The following DSCAML1 variants were observed in gnomAD, a reference collection of about 807,000 sequenced individuals.
DSCAML1 encodes the protein DS cell adhesion molecule like 1.
In DSCAML1, 38 loss-of-function variants were observed where a neutral mutation model predicts 200.5. The ratio of observed to expected loss-of-function variants is 0.19; its 90% CI spans 0.15 to 0.25. The LOEUF (loss-of-function observed/expected upper bound fraction) is 0.25, where lower values mean the gene tolerates loss of function less well. Ranked by LOEUF, DSCAML1 falls within the 10% of genes least tolerant of loss-of-function variation. The pLI, the probability that DSCAML1 is intolerant of heterozygous loss-of-function variation, is 1.00. For synonymous variants in DSCAML1, 1,215 were observed against 1,165.0 expected (o/e 1.04, Z -0.87); for missense variants, 2,223 against 2,858.8 (o/e 0.78, Z 5.07).
At chr11:117,568,527 C>T (rs1435393219) in intron 3 of DSCAML1, among the ~76,000 whole-genome samples, 25 of 152,130 alleles carry the variant, frequency 1.6e-4, no homozygotes, top group Non-Finnish European at 5.9e-5. Flanking sequence ...TCAGCAAAGT[C>T]TCAGGATACA....
Position 117,516,332 on chromosome 11 carries a change from C to T in DSCAML1, c.1783+135G>A, listed in dbSNP as rs928628574. ...GCCCTGCTCCCTTTTTTCTGAATGC[C>T]AAGCTGGGGCCTCTCTTGCTCAGCC... On this transcript the variant is annotated intron_variant, in intron 8 of 32. Coordinates refer to ENST00000651296, the MANE Select transcript of DSCAML1 (RefSeq NM_020693.4). The surrounding 1 kb of genome is among the most constrained non-coding windows in gnomAD (Gnocchi z 5.7). 8.6e-7 allele frequency: 1 copy of T among 1,166,884 alleles called. No homozygotes were observed. Among genetic ancestry groups the T allele is most frequent in the South Asian group, 1.6e-5 (1 of 63,226 alleles). The allele number at this position is 1,166,884 out of a possible 1,614,324, so 72.3% of individuals were successfully genotyped here.
At chr11:117,565,803 C>T (rs1020706498) in intron 3 of DSCAML1, among the ~76,000 whole-genome samples, 7 of 152,236 alleles carry the variant, frequency 4.6e-5, no homozygotes, top group African/African-American at 1.7e-4. Context: ...TGGCCAGGCT[C>T]ACTCAGAGCT....
At chr11:117,537,385 T>C (rs2050190112) in intron 3 of DSCAML1, among the ~76,000 whole-genome samples, 1 of 152,132 alleles carries the variant, frequency 6.6e-6, no homozygotes. Flanking sequence ...GCTGGGGTAC[T>C]GGGGAAGGCT....
At chr11:117,777,169 C>G (rs1471363329) in intron 2 of DSCAML1, among the ~76,000 whole-genome samples, 1 of 152,208 alleles carries the variant, frequency 6.6e-6, no homozygotes, top group Non-Finnish European at 1.5e-5. Context: ...GCAGCCTTTT[C>G]TCCCTCAAAA....
intron 3 of DSCAML1, among the ~76,000 whole-genome samples, chr11:117,659,852 G>A (rs1301410928): frequency 1.3e-5 from 2 of 151,922 alleles, no homozygotes; most frequent in African/African-American, 4.8e-5. Flanking sequence ...CCGAGTAGCT[G>A]GGATTACAGG....
chr11:117,797,901 C>T (rs909315814), upstream of DSCAML1, among the ~76,000 whole-genome samples: 2 of 152,232 alleles, frequency 1.3e-5, no homozygotes, highest in Non-Finnish European at 2.9e-5. Context: ...GCTTTCCTGC[C>T]TGACAGAAAT....
At chr11:117,680,853 G>T (rs1386582870) in intron 3 of DSCAML1, among the ~76,000 whole-genome samples, 1 of 152,220 alleles carries the variant, frequency 6.6e-6, no homozygotes, top group Non-Finnish European at 1.5e-5. Flanking sequence ...GCAGCAGTGA[G>T]AACAGCAGTG....
At chr11:117,520,183 C>G (rs931803575) in intron 6 of DSCAML1, among the ~76,000 whole-genome samples, 2 of 152,322 alleles carry the variant, frequency 1.3e-5, no homozygotes, top group Admixed American at 6.5e-5. Context: ...AGTGCCAGGG[C>G]TGATGGGTTG....
At chr11:117,712,045 G>A (rs1176243690) in intron 3 of DSCAML1, among the ~76,000 whole-genome samples, 2 of 152,094 alleles carry the variant, frequency 1.3e-5, no homozygotes, top group Non-Finnish European at 2.9e-5. Context: ...TGCTTTTAGA[G>A]GTTTAAAATC....
chr11:117,596,988 G>C (rs1011498667), intron 3 of DSCAML1, among the ~76,000 whole-genome samples: 1 of 152,116 alleles, frequency 6.6e-6, no homozygotes, highest in Non-Finnish European at 1.5e-5. Context: ...CCTTGGCATA[G>C]AACAGTGACT....
chr11:117,810,229 A>G (rs1204279594), intron 1 of DSCAML1, among the ~76,000 whole-genome samples: 4 of 149,368 alleles, frequency 2.7e-5, no homozygotes, highest in Non-Finnish European at 5.9e-5. Flanking sequence ...GTGGACCCAA[A>G]CTCCGTGGAC....
intron 3 of DSCAML1, among the ~76,000 whole-genome samples, chr11:117,537,466 G>C (rs916911127): frequency 6.6e-6 from 1 of 152,204 alleles, no homozygotes; most frequent in African/African-American, 2.4e-5. Context: ...AGGGGTGGCG[G>C]GGAAAGCCCA....
intron 3 of DSCAML1, among the ~76,000 whole-genome samples, chr11:117,649,636 A>C (rs2052588555): frequency 6.6e-6 from 1 of 152,130 alleles, no homozygotes; most frequent in Non-Finnish European, 1.5e-5. Context: ...GCTCGTCCCT[A>C]CCAAACCCCT....
intron 3 of DSCAML1, among the ~76,000 whole-genome samples, chr11:117,556,312 G>T (rs1179310562): frequency 6.6e-6 from 1 of 152,164 alleles, no homozygotes; most frequent in Non-Finnish European, 1.5e-5. Context: ...TGGGCTGCAT[G>T]GTGCAGGCTT....
intron 21 of DSCAML1, among the ~76,000 whole-genome samples, chr11:117,440,892 C>G (rs7947434): frequency 0.54 from 76,951 of 141,242 alleles, 22,585 homozygotes; most frequent in East Asian, 0.86. Flanking sequence ...CTGCACTCCA[C>G]GCTGGGTGAC....
intron 21 of DSCAML1, among the ~76,000 whole-genome samples, chr11:117,442,276 GTA>G (rs1376362306): frequency 7.9e-5 from 12 of 151,206 alleles, no homozygotes; most frequent in East Asian, 7.9e-4. Context: ...GTATTAGTGT[GTA>G]TAGTGTGTAT....
intron 19 of DSCAML1, among the ~76,000 whole-genome samples, chr11:117,455,270 T>C (rs1285978221): frequency 6.6e-6 from 1 of 152,252 alleles, no homozygotes; most frequent in African/African-American, 2.4e-5. Flanking sequence ...TCATCCTCAG[T>C]GCTGCTGCCC....
At chr11:117,535,196 C>T (rs532821846) in intron 3 of DSCAML1, among the ~76,000 whole-genome samples, 108 of 152,298 alleles carry the variant, frequency 7.1e-4, no homozygotes, top group African/African-American at 2.5e-3. Flanking sequence ...AGGGAGGCAC[C>T]CCCGTTATAC....
intron 3 of DSCAML1, among the ~76,000 whole-genome samples, chr11:117,537,177 G>A (rs2050187008): frequency 6.6e-6 from 1 of 152,192 alleles, no homozygotes; most frequent in South Asian, 2.1e-4. Flanking sequence ...GGTCGCTTCT[G>A]TCAATGAGGT....
Sources: gnomAD v4.1 joint callset for allele counts (sites outside exome capture counted in the v4.1 genomes callset) on GRCh38, gnomAD v4.1.1 for gene constraint, Gnocchi (gnomAD v3.1) non-coding constraint, MANE v1.5 for transcripts, NCBI Gene and HGNC (gene_info 2026-07-23, HGNC 2026-07-21) for gene names.